Variants in PTPRJ observed in about 807,000 individuals in gnomAD.
The protein encoded by PTPRJ is receptor-type tyrosine-protein phosphatase eta.
PTPRJ carries 129 observed loss-of-function variants against 141.3 expected under a neutral mutation model. The ratio of observed to expected loss-of-function variants is 0.91; its 90% CI spans 0.79 to 1.06. PTPRJ has a LOEUF of 1.06. Ranked by LOEUF, PTPRJ falls within the 50% of genes least tolerant of loss-of-function variation. The pLI is 0.00. For missense variants in PTPRJ, 1,601 were observed against 1,679.7 expected (o/e 0.95, Z 0.82); for synonymous variants, 610 against 640.5 (o/e 0.95, Z 0.72).
chr11:48,079,379 C>T (rs1054054247), intron 1 of PTPRJ, among the ~76,000 whole-genome samples: 3 of 150,954 alleles, frequency 2.0e-5, no homozygotes, highest in Admixed American at 1.3e-4. Flanking sequence ...GGGGAGTGTG[C>T]GTGGAAGGGT....
In PTPRJ at chr11:48,127,907, A is replaced by G; in HGVS notation, c.1221A>G (p.Thr407=). The change falls in exon 7 of 25, where the codon ACA becomes ACG. Residue 407 remains threonine (T), a synonymous_variant. Coordinates refer to ENST00000418331, the MANE Select transcript of PTPRJ (RefSeq NM_002843.4). ...YTYKIHVAGE[T]DSSNLNVSEP... is the part of the protein sequence containing the mutation. ...ACAAGATACATGTGGCGGGGGAGACAGATTCTTCCAATCTCAACGTCAGTG... is the reference window on the plus strand; with the variant it reads ...ACAAGATACATGTGGCGGGGGAGACGGATTCTTCCAATCTCAACGTCAGTG... The G allele has an allele frequency of 1.2e-6, 2 of 1,614,212 alleles. No individual in the cohort carries two copies. Among genetic ancestry groups the G allele is most frequent in the South Asian group, 1.1e-5 (1 of 91,086 alleles).
chr11:48,143,079 GC>G, intron 12 of PTPRJ, 29 bp downstream of exon 12: 1 of 1,612,656 alleles, frequency 6.2e-7, no homozygotes, highest in Non-Finnish European at 8.5e-7. Context: ...GGGTTAAACA[GC>G]CCATGAGTGA....
intron 1 of PTPRJ, among the ~76,000 whole-genome samples, chr11:48,054,397 T>A (rs888361989): frequency 6.6e-6 from 1 of 152,226 alleles, no homozygotes; most frequent in African/African-American, 2.4e-5. Flanking sequence ...AGAGGTCATC[T>A]TGTCTATGTT....
chr11:48,144,637 C>G, intron 12 of PTPRJ, 38 bp from the exon 13 acceptor site: 9 of 1,516,282 alleles, frequency 5.9e-6, no homozygotes, highest in Non-Finnish European at 6.4e-6. Flanking sequence ...TCTCTGCCAT[C>G]ACTTTCTTAT....
chr11:48,149,590 G>T (rs1369182295), intron 16 of PTPRJ, 102 bp downstream of exon 16: 1 of 816,348 alleles, frequency 1.2e-6, no homozygotes, highest in African/African-American at 1.8e-5. Flanking sequence ...TTTCCTGATT[G>T]GCACATTTTG....
chr11:48,154,032 C>A, intron 19 of PTPRJ, 146 bp downstream of exon 19: 1 of 689,310 alleles, frequency 1.5e-6, no homozygotes, highest in Non-Finnish European at 2.6e-6. Context: ...ATCCATTATT[C>A]ACCTACTATG....
intron 1 of PTPRJ, among the ~76,000 whole-genome samples, chr11:48,013,891 G>A (rs930854144): frequency 6.6e-6 from 1 of 152,148 alleles, no homozygotes; most frequent in Admixed American, 6.5e-5. Context: ...CTGGGATCTG[G>A]CCTTTACTTG....
intron 1 of PTPRJ, among the ~76,000 whole-genome samples, chr11:47,999,217 G>C (rs183140532): frequency 2.6e-5 from 4 of 152,334 alleles, no homozygotes; most frequent in Admixed American, 2.6e-4. Flanking sequence ...ATGGCCACAA[G>C]AGAGGCAAGG....
intron 8 of PTPRJ, among the ~76,000 whole-genome samples, chr11:48,135,047 C>T (rs574990649): frequency 1.5e-4 from 23 of 152,220 alleles, no homozygotes; most frequent in Admixed American, 4.6e-4. Flanking sequence ...AATATACATA[C>T]CGAAAAGGGA....
chr11:47,989,665 T>C (rs1293549412), intron 1 of PTPRJ, among the ~76,000 whole-genome samples: 1 of 152,186 alleles, frequency 6.6e-6, no homozygotes, highest in African/African-American at 2.4e-5. Flanking sequence ...TAATCTTTGT[T>C]ATCAATTTGT....
intron 9 of PTPRJ, 137 bp downstream of exon 9, chr11:48,136,433 C>T: frequency 9.3e-7 from 1 of 1,073,872 alleles, no homozygotes; most frequent in Non-Finnish European, 1.4e-6. Context: ...ACATTGGTCT[C>T]AGCAATGGTT....
At chr11:47,994,874 T>C (rs576756944) in intron 1 of PTPRJ, among the ~76,000 whole-genome samples, 1 of 152,260 alleles carries the variant, frequency 6.6e-6, no homozygotes, top group African/African-American at 2.4e-5. Context: ...GATTTTTTTT[T>C]CAACCAGTAC....
chr11:48,047,483 C>T (rs1854438629), intron 1 of PTPRJ, among the ~76,000 whole-genome samples: 2 of 147,766 alleles, frequency 1.4e-5, no homozygotes, highest in South Asian at 4.3e-4. Context: ...TTGTTGTCAA[C>T]ATTAACCTAT....
intron 1 of PTPRJ, among the ~76,000 whole-genome samples, chr11:48,088,337 T>C (rs1389062169): frequency 6.6e-6 from 1 of 152,166 alleles, no homozygotes; most frequent in African/African-American, 2.4e-5. Flanking sequence ...CTGGCAGATA[T>C]CAAGACCAAA....
Position 48,136,272 on chromosome 11 carries a change from C to G in PTPRJ, c.1849C>G (p.Pro617Ala), listed in dbSNP as rs770835019. The change falls in exon 9 of 25, where the codon CCC becomes GCC. Residue 617 changes from proline (P) to alanine (A), a missense_variant. Pro to Ala is a conservative substitution (Grantham distance 27). Transcript: ENST00000418331. ...SPEVDHVWGD[P>A]NSTAQYTRPS... ...AGAAGTGGACCACGTCTGGGGGGAC[C>G]CCAACTCCACTGCACAGTACACACG... is the stretch of plus-strand genomic sequence containing the variant. 2.5e-6 allele frequency: 4 copies of G among 1,614,158 alleles called. No individual in the cohort carries two copies. The South Asian group carries it at 4.4e-5, about 18-fold the overall frequency.
chr11:48,170,836 T>C lies in PTPRJ; in HGVS notation c.*3474T>C, dbSNP rs1211031738. The C allele has an allele frequency of 6.6e-6, 1 of 151,656 alleles. No individual in the cohort carries two copies. Among genetic ancestry groups the C allele is most frequent in the Non-Finnish European group, 1.5e-5 (1 of 67,972 alleles). 9.4% of individuals were successfully genotyped at this position (151,656 alleles called of 1,614,324 possible). Reference sequence around the variant, plus strand: ...AATACCAAATATAAAAAAATGTCAATGCATTATGCCTTTGCTTCTTTCTTT... The same window carrying C: ...AATACCAAATATAAAAAAATGTCAACGCATTATGCCTTTGCTTCTTTCTTT... On this transcript the variant is annotated 3_prime_UTR_variant, in exon 25 of 25. Coordinates refer to ENST00000418331, the MANE Select transcript of PTPRJ (RefSeq NM_002843.4).
chr11:48,121,149 C>T lies in PTPRJ; in HGVS notation c.499C>T (p.His167Tyr). The part of the protein sequence containing the change: ...MENEKTITVV[H>Y]QPWCNITGLR... ...AAATGAGAAGACAATTACTGTTGTGCATCAACCATGGTGTAACATCACAGG... is the reference window on the plus strand; with the variant it reads ...AAATGAGAAGACAATTACTGTTGTGTATCAACCATGGTGTAACATCACAGG... Residue 167 changes from histidine to tyrosine, a missense_variant, in exon 4 of 25, where the codon CAT becomes TAT. By Grantham distance (83) the His-to-Tyr change is moderately conservative. Transcript: ENST00000418331. 6.2e-7 allele frequency: 1 copy of T among 1,614,078 alleles called. No individual in the cohort carries two copies. The highest frequency in any genetic ancestry group is 8.5e-7 in the Non-Finnish European group (1 of 1,179,984).
rs1288822994 is a variant in PTPRJ at position 48,082,470 on chromosome 11, C to T, written c.97-27588C>T. Among the ~76,000 whole-genome samples, 5 of 143,608 alleles carry T rather than the reference C, an allele frequency of 3.5e-5. No individual in the cohort carries two copies. In the East Asian group the frequency reaches 8.4e-4, roughly 24 times the overall value. The allele number at this position is 143,608 out of a possible 152,430, so 94.2% of individuals were successfully genotyped here. A position where few individuals can be genotyped will look rare whatever the true frequency, so the allele number is the denominator to read the frequency against. On this transcript the variant is annotated intron_variant, in intron 1 of 24. Transcript: ENST00000418331. ...TTGCTCCGTTGTCCAGGCTGGAGTG[C>T]AGTGGTGTAGTCATGGCTCGCTGCA...
At chr11:48,040,280 T>C (rs1037226238) in intron 1 of PTPRJ, among the ~76,000 whole-genome samples, 7 of 152,268 alleles carry the variant, frequency 4.6e-5, no homozygotes, top group Admixed American at 6.5e-5. Flanking sequence ...GGATGCTGTG[T>C]GCGCGCACAT....
Sources: gnomAD v4.1 joint callset for allele counts (sites outside exome capture counted in the v4.1 genomes callset) on GRCh38, gnomAD v4.1.1 for gene constraint, MANE v1.5 for transcripts, NCBI Gene and HGNC (gene_info 2026-07-23, HGNC 2026-07-21) for gene names.